SLC47A1: variants seen among roughly 807,000 people sequenced by gnomAD.
The protein encoded by SLC47A1 is solute carrier family 47 member 1, also known as multidrug and toxin extrusion protein 1.
SLC47A1 carries 58 observed loss-of-function variants against 65.8 expected under a neutral mutation model. The ratio of observed to expected loss-of-function variants is 0.88; its 90% CI spans 0.71 to 1.10. SLC47A1 has a LOEUF of 1.10. SLC47A1 is among the 50% of genes least tolerant of loss of function. The pLI, the probability that SLC47A1 is intolerant of heterozygous loss-of-function variation, is 0.00. For synonymous variants in SLC47A1, 285 were observed against 295.0 expected (o/e 0.97, Z 0.35); for missense variants, 706 against 719.2 (o/e 0.98, Z 0.21).
At chr17:19,552,439 C>T (rs191275244) in intron 6 of SLC47A1, among the ~76,000 whole-genome samples, 134 of 152,174 alleles carry the variant, frequency 8.8e-4, no homozygotes, top group African/African-American at 3.2e-3. Context: ...GAAGGAAACC[C>T]ACACATTTCA....
At chr17:19,553,742 A>G (rs537922404) in intron 6 of SLC47A1, among the ~76,000 whole-genome samples, 34 of 152,160 alleles carry the variant, frequency 2.2e-4, no homozygotes, top group Admixed American at 1.3e-3. Flanking sequence ...GGGTTTTACC[A>G]TGTTGGCCAG....
chr17:19,552,384 C>T (rs978905041), intron 6 of SLC47A1, among the ~76,000 whole-genome samples: 1 of 152,168 alleles, frequency 6.6e-6, no homozygotes, highest in African/African-American at 2.4e-5. Context: ...TTTAGAATCC[C>T]GATTAGCATA....
At chr17:19,537,101 C>G (rs1350867151) in intron 1 of SLC47A1, among the ~76,000 whole-genome samples, 1 of 152,224 alleles carries the variant, frequency 6.6e-6, no homozygotes, top group Non-Finnish European at 1.5e-5. Flanking sequence ...TGAATCAAAA[C>G]AGCAAAAGTT....
intron 1 of SLC47A1, among the ~76,000 whole-genome samples, chr17:19,540,895 G>A (rs1330526525): frequency 6.7e-6 from 1 of 149,478 alleles, no homozygotes; most frequent in Non-Finnish European, 1.5e-5. Flanking sequence ...GTTAGGAACA[G>A]GCTGTGCTTG....
intron 12 of SLC47A1, among the ~76,000 whole-genome samples, chr17:19,563,278 G>A (rs1467993122): frequency 2.0e-5 from 3 of 151,540 alleles, no homozygotes; most frequent in Admixed American, 6.6e-5. Context: ...GACTACAGGC[G>A]CCCGCCACCA....
At chr17:19,557,434 A>G (rs1346608075) in intron 10 of SLC47A1, 3 of 334,954 alleles carry the variant, frequency 9.0e-6, no homozygotes, top group Admixed American at 3.7e-5. Context: ...TACTTTTAAA[A>G]TCAATTTCCT....
intron 14 of SLC47A1, among the ~76,000 whole-genome samples, chr17:19,569,803 C>T (rs2084385985): frequency 1.3e-5 from 2 of 152,208 alleles, no homozygotes; most frequent in African/African-American, 4.8e-5. Context: ...CAAATTATAG[C>T]TGGAGTTAGC....
intron 12 of SLC47A1, chr17:19,564,773 T>G (rs1262404781): frequency 6.6e-6 from 1 of 152,576 alleles, no homozygotes; most frequent in Non-Finnish European, 1.5e-5. Context: ...CAGGCTGGAG[T>G]GCAATGGCAC....
intron 5 of SLC47A1, 25 bp from the exon 6 acceptor site, chr17:19,551,399 A>C: frequency 3.1e-5 from 48 of 1,567,452 alleles, no homozygotes; most frequent in East Asian, 4.5e-5. Flanking sequence ...AAACATTAAC[A>C]TTCATCTCTC....
At position 19,577,652 on chromosome 17, in the gene SLC47A1, G is replaced by A; in HGVS notation, c.*99G>A. ...TTTACTGTGAGTTAATGTCATTCAG[G>A]TGTGCCCATGGATTTTGAGGGCTGG... On this transcript the variant is annotated 3_prime_UTR_variant, in exon 17 of 17. Coordinates refer to ENST00000270570, the MANE Select transcript of SLC47A1 (RefSeq NM_018242.3). 1 of 1,538,476 alleles carries A rather than the reference G, an allele frequency of 6.5e-7. No homozygotes were observed.
At position 19,566,846 on chromosome 17, in the gene SLC47A1, T is replaced by C. The variant is rs997550467; in HGVS notation, c.1163T>C (p.Phe388Ser). 8 of 1,614,076 alleles carry C rather than the reference T, an allele frequency of 5.0e-6. No homozygotes were observed. In the Admixed American group the frequency reaches 6.7e-5, roughly 13 times the overall value. ...VVPIYAVSHL[F>S]EALACTSGGV... ...CCAATTTATGCTGTTTCCCACCTCT[T>C]TGAAGCTCTTGCTGTAAGTATTATG... The change falls in exon 13 of 17, where the codon TTT (phenylalanine) becomes TCT (serine). Residue 388 changes from phenylalanine (F) to serine (S), a missense_variant. Physicochemically the swap from Phe to Ser is radical, Grantham distance 155. Transcript: ENST00000270570.
chr17:19,533,875 C>G lies in SLC47A1; in HGVS notation c.-65C>G. The G allele has an allele frequency of 3.6e-6, 5 of 1,377,268 alleles. No individual in the cohort carries two copies. The highest frequency in any genetic ancestry group is 4.7e-6 in the Non-Finnish European group (5 of 1,062,084). 85.3% of individuals were successfully genotyped at this position (1,377,268 alleles called of 1,614,324 possible). A position where few individuals can be genotyped will look rare whatever the true frequency, so the allele number is the denominator to read the frequency against. On this transcript the variant is annotated 5_prime_UTR_variant, in exon 1 of 17. Coordinates refer to ENST00000270570, the MANE Select transcript of SLC47A1 (RefSeq NM_018242.3). ...ACCCACTGCCGGCCTGCGCGGTACT[C>G]ACTGCCGGCCTCCGCGGTACCCACT... is the stretch of plus-strand genomic sequence containing the variant.
At chr17:19,547,429 A>G (rs777122863) in intron 3 of SLC47A1, among the ~76,000 whole-genome samples, 2 of 149,914 alleles carry the variant, frequency 1.3e-5, no homozygotes, top group Non-Finnish European at 3.0e-5. Context: ...CTCACTGCAA[A>G]CTTTGCCTCC....
At chr17:19,541,152 G>C (rs1916136462) in intron 1 of SLC47A1, among the ~76,000 whole-genome samples, 1 of 152,142 alleles carries the variant, frequency 6.6e-6, no homozygotes, top group Non-Finnish European at 1.5e-5. Flanking sequence ...TCAGCACAGA[G>C]GACTCTGTTC....
intron 2 of SLC47A1, among the ~76,000 whole-genome samples, chr17:19,542,695 T>G (rs1333275279): frequency 6.6e-6 from 1 of 152,166 alleles, no homozygotes. Flanking sequence ...TGTGTAACCT[T>G]GCAGATTCCT....
In SLC47A1 at chr17:19,567,248, G is replaced by T. The variant is rs781446116; in HGVS notation, c.1309+20G>T. 1 of 1,614,048 alleles carries T rather than the reference G, an allele frequency of 6.2e-7. No homozygotes were observed. Among genetic ancestry groups the T allele is most frequent in the East Asian group, 2.2e-5 (1 of 44,880 alleles). On this transcript the variant is annotated intron_variant, in intron 14 of 16. Coordinates refer to ENST00000270570, the MANE Select transcript of SLC47A1 (RefSeq NM_018242.3). ...TGATGGGTAAGCTCTAACCTCTGCA[G>T]GCAGGGCTTAGCTGCTCACCAGCCC... is the stretch of plus-strand genomic sequence containing the variant.
rs373281364 is a variant in SLC47A1, at chr17:19,555,784, TC to T, written c.740-5del. 11 of 1,612,760 alleles carry T rather than the reference TC, an allele frequency of 6.8e-6. No individual in the cohort carries two copies. The highest frequency in any genetic ancestry group is 1.6e-4 in the Middle Eastern group (1 of 6,062). ...GCCAGATCTCCTGGAAATGTGTGTG[TC>T]CCCCCCACAGGCTGGTCCCTCGAGT... On this transcript the variant is annotated splice_polypyrimidine_tract_variant and intron_variant, in intron 8 of 16. Transcript: ENST00000270570.
chr17:19,537,793 G>A (rs1371741347), intron 1 of SLC47A1, among the ~76,000 whole-genome samples: 1 of 152,128 alleles, frequency 6.6e-6, no homozygotes, highest in Admixed American at 6.5e-5. Context: ...CAGGCCTCCA[G>A]CCTCATCTCT....
intron 12 of SLC47A1, among the ~76,000 whole-genome samples, chr17:19,565,860 C>T (rs868343951): frequency 3.6e-4 from 55 of 152,140 alleles, no homozygotes; most frequent in Middle Eastern, 6.8e-3. Flanking sequence ...GAATTACAGG[C>T]GTGAGCCACC....
Sources: allele counts gnomAD v4.1 joint callset (sites outside exome capture counted in the v4.1 genomes callset), GRCh38; gene constraint gnomAD v4.1.1; transcripts MANE v1.5; gene names NCBI Gene and HGNC (gene_info 2026-07-23, HGNC 2026-07-21).